PPP6R3: variants seen among roughly 807,000 people sequenced by gnomAD.
PPP6R3 encodes protein phosphatase 6 regulatory subunit 3, also known as serine/threonine-protein phosphatase 6 regulatory subunit 3.
PPP6R3 carries 38 observed loss-of-function variants against 110.7 expected under a neutral mutation model. The observed-to-expected ratio is 0.34, with a 90% CI of 0.26 to 0.45. PPP6R3 has a LOEUF of 0.45. Among genes scored for constraint, PPP6R3 ranks in the 20% least tolerant of loss-of-function variants. The pLI is 1.00. For missense variants in PPP6R3, 870 were observed against 1,062.4 expected (o/e 0.82, Z 2.52); for synonymous variants, 369 against 373.5 (o/e 0.99, Z 0.14).
intron 1 of PPP6R3, among the ~76,000 whole-genome samples, chr11:68,468,403 G>C (rs1454181293): frequency 3.3e-5 from 5 of 152,206 alleles, no homozygotes; most frequent in Non-Finnish European, 7.3e-5. Context: ...TTGTCTGCAA[G>C]TGAGACCCTG....
intron 1 of PPP6R3, among the ~76,000 whole-genome samples, chr11:68,512,539 G>A (rs183068278): frequency 7.5e-4 from 114 of 152,310 alleles, no homozygotes; most frequent in Non-Finnish European, 2.9e-4. Flanking sequence ...TTGGTTGTGC[G>A]TAGGATAGTT....
At position 68,580,664 on chromosome 11, in the gene PPP6R3, G is replaced by A. The variant is rs75844054; in HGVS notation, c.1546-2379G>A. ...CAAAAGGAGTGTGTTTGGAAGTGTAGATCAGGAATTCAGTTTTGTATACAT... is the reference window on the plus strand; with the variant it reads ...CAAAAGGAGTGTGTTTGGAAGTGTAAATCAGGAATTCAGTTTTGTATACAT... On this transcript the variant is annotated intron_variant, in intron 14 of 23. Coordinates refer to ENST00000393800, the MANE Select transcript of PPP6R3 (RefSeq NM_001164161.2). 6.2e-3 allele frequency among the ~76,000 whole-genome samples: 925 copies of A among 149,254 alleles called. 7 individuals carry two copies. Among genetic ancestry groups the A allele is most frequent in the Middle Eastern group, 0.01 (3 of 290 alleles).
At chr11:68,611,112 C>T (rs1011710093) in intron 23 of PPP6R3, among the ~76,000 whole-genome samples, 6 of 152,200 alleles carry the variant, frequency 3.9e-5, no homozygotes, top group Non-Finnish European at 8.8e-5. Flanking sequence ...CAGGGTGGCC[C>T]TCTAGCACTG....
intron 1 of PPP6R3, among the ~76,000 whole-genome samples, chr11:68,469,149 T>G (rs546867696): frequency 6.6e-6 from 1 of 152,380 alleles, no homozygotes; most frequent in African/African-American, 2.4e-5. Flanking sequence ...AGGACTCATC[T>G]CTGCTTTTGT....
intron 6 of PPP6R3, among the ~76,000 whole-genome samples, chr11:68,553,054 T>C (rs1049663913): frequency 1.3e-5 from 2 of 152,226 alleles, no homozygotes; most frequent in African/African-American, 4.8e-5. Context: ...AGGCTCCTGA[T>C]TCCAGTCAGT....
At chr11:68,516,078 A>G (rs1454625816) in intron 1 of PPP6R3, among the ~76,000 whole-genome samples, 7 of 152,110 alleles carry the variant, frequency 4.6e-5, no homozygotes, top group African/African-American at 1.4e-4. Flanking sequence ...CCTTTATTCA[A>G]AATACATTTT....
intron 19 of PPP6R3, among the ~76,000 whole-genome samples, chr11:68,597,134 CTG>C (rs1289768812): frequency 1.3e-5 from 2 of 152,234 alleles, no homozygotes; most frequent in East Asian, 1.9e-4. Flanking sequence ...AGGCCTGTAA[CTG>C]TGAACGGGCC....
intron 22 of PPP6R3, among the ~76,000 whole-genome samples, chr11:68,606,664 ACAG>A (rs2153963366): frequency 6.6e-6 from 1 of 152,298 alleles, no homozygotes; most frequent in South Asian, 2.1e-4. Context: ...CCAAAATGCT[ACAG>A]CAAAACTAAC....
intron 1 of PPP6R3, among the ~76,000 whole-genome samples, chr11:68,504,654 T>A (rs1400450426): frequency 2.6e-5 from 4 of 152,204 alleles, no homozygotes; most frequent in South Asian, 2.1e-4. Context: ...CCTGGTACAA[T>A]TTGAGAGCCC....
At chr11:68,566,931 T>TA in intron 9 of PPP6R3, 83 bp from the exon 10 acceptor site, 1 of 1,275,656 alleles carries the variant, frequency 7.8e-7, no homozygotes, top group South Asian at 1.7e-5. Context: ...TTGCAGGGTT[T>TA]AAACTAGTGT....
intron 2 of PPP6R3, among the ~76,000 whole-genome samples, chr11:68,528,409 GA>G (rs1208779251): frequency 8.5e-6 from 1 of 118,200 alleles, no homozygotes; most frequent in Non-Finnish European, 1.7e-5. Context: ...GTAGGCACCT[GA>G]TATTTGATTT....
chr11:68,480,154 A>G (rs1250841279), intron 1 of PPP6R3, among the ~76,000 whole-genome samples: 1 of 152,070 alleles, frequency 6.6e-6, no homozygotes, highest in Non-Finnish European at 1.5e-5. Flanking sequence ...TATATTTTCT[A>G]TAATGTGTTG....
chr11:68,603,200 G>C, intron 21 of PPP6R3, 142 bp from the exon 22 acceptor site: 1 of 1,098,814 alleles, frequency 9.1e-7, no homozygotes, highest in Non-Finnish European at 1.3e-6. Context: ...ATGTGGCCCA[G>C]ACAACAGCAG....
At chr11:68,591,847 T>G in intron 18 of PPP6R3, 141 bp downstream of exon 18, 2 of 1,075,046 alleles carry the variant, frequency 1.9e-6, no homozygotes, top group Non-Finnish European at 2.6e-6. Context: ...AGAAATGCCC[T>G]TGTTGGCGGG....
chr11:68,531,307 T>TTTGTTTTA (rs143892274), intron 2 of PPP6R3, among the ~76,000 whole-genome samples: 3 of 136,952 alleles, frequency 2.2e-5, no homozygotes, highest in South Asian at 2.5e-4. Flanking sequence ...TGAGACTGTG[T>TTTGTTTTA]TTTATTTATT....
intron 13 of PPP6R3, among the ~76,000 whole-genome samples, chr11:68,574,919 A>G (rs2099524614): frequency 6.6e-6 from 1 of 152,224 alleles, no homozygotes; most frequent in South Asian, 2.1e-4. Flanking sequence ...GAATTTGTTC[A>G]GTTAAAATCA....
At chr11:68,471,562 A>G (rs2098792432) in intron 1 of PPP6R3, among the ~76,000 whole-genome samples, 1 of 152,122 alleles carries the variant, frequency 6.6e-6, no homozygotes, top group African/African-American at 2.4e-5. Context: ...CTGTTCCCAC[A>G]TGGTGGTGCA....
intron 21 of PPP6R3, among the ~76,000 whole-genome samples, chr11:68,602,349 A>G (rs2099634468): frequency 6.6e-6 from 1 of 152,196 alleles, no homozygotes; most frequent in South Asian, 2.1e-4. Context: ...GTTTAGAGCT[A>G]TGGGGCTGGT....
intron 1 of PPP6R3, among the ~76,000 whole-genome samples, chr11:68,509,815 T>C (rs1406688647): frequency 7.4e-6 from 1 of 134,424 alleles, no homozygotes; most frequent in Non-Finnish European, 1.5e-5. Flanking sequence ...AATGGCACAA[T>C]CTCGGCCCAC....
Sources: allele counts gnomAD v4.1 joint callset (sites outside exome capture counted in the v4.1 genomes callset), GRCh38; gene constraint gnomAD v4.1.1; transcripts MANE v1.5; gene names NCBI Gene and HGNC (gene_info 2026-07-23, HGNC 2026-07-21).